IGSF11: variants seen among roughly 807,000 people sequenced by gnomAD.
The protein encoded by IGSF11 is immunoglobulin superfamily member 11, also known as CXADR like 1.
Under a neutral mutation model 41.0 loss-of-function variants are expected in IGSF11, and 22 were observed. The observed-to-expected ratio is 0.54, with a 90% CI of 0.38 to 0.77. The LOEUF (loss-of-function observed/expected upper bound fraction) is 0.77, where lower values mean the gene tolerates loss of function less well. Among genes scored for constraint, IGSF11 ranks in the 30% least tolerant of loss-of-function variants. The pLI, the probability that IGSF11 is intolerant of heterozygous loss-of-function variation, is 0.00. For synonymous variants in IGSF11, 219 were observed against 201.3 expected, an observed-to-expected ratio of 1.09 and a Z score of -0.74; for missense variants, 444 against 530.8, an observed-to-expected ratio of 0.84 and a Z score of 1.61.
chr3:119,042,294 G>C (rs1941146402), intron 1 of IGSF11, among the ~76,000 whole-genome samples: 1 of 152,218 alleles, frequency 6.6e-6, no homozygotes, highest in South Asian at 2.1e-4. Context: ...GTGCACATTG[G>C]AGTGCTCAGT....
chr3:119,047,676 C>T (rs1007563436), intron 1 of IGSF11, among the ~76,000 whole-genome samples: 14 of 152,134 alleles, frequency 9.2e-5, no homozygotes, highest in South Asian at 4.2e-4. Context: ...CTCTCCACCC[C>T]AAATCAACAG....
At chr3:119,127,851 T>C (rs1434000007) in intron 1 of IGSF11, among the ~76,000 whole-genome samples, 3 of 152,114 alleles carry the variant, frequency 2.0e-5, no homozygotes, top group African/African-American at 7.2e-5. Flanking sequence ...GACAAGCAAA[T>C]GCTAAGGGAT....
At chr3:118,984,673 A>C (rs954380382) in intron 1 of IGSF11, among the ~76,000 whole-genome samples, 14 of 152,220 alleles carry the variant, frequency 9.2e-5, no homozygotes, top group African/African-American at 3.4e-4. Context: ...AATATTGACA[A>C]GAAGATAATT....
chr3:119,115,151 C>A (rs975558960), intron 1 of IGSF11, among the ~76,000 whole-genome samples: 4 of 152,302 alleles, frequency 2.6e-5, no homozygotes, highest in East Asian at 3.9e-4. Flanking sequence ...AAATCCAAAC[C>A]ATATCCCTCA....
In IGSF11 at chr3:119,000,934, A is replaced by G. The variant is rs913193332; in HGVS notation, c.52+33597T>C. On this transcript the variant is annotated intron_variant, in intron 1 of 6. Coordinates refer to ENST00000393775, the MANE Select transcript of IGSF11 (RefSeq NM_001015887.3). Reference sequence around the variant, plus strand: ...CAAAGTAAAAGCCAAAATCCTCACAAGGTTCTGTGCTGTCTGCTCTTTCAT... The same window carrying G: ...CAAAGTAAAAGCCAAAATCCTCACAGGGTTCTGTGCTGTCTGCTCTTTCAT... Among the ~76,000 whole-genome samples the G allele has an allele frequency of 8.5e-5, 13 of 152,106 alleles. 1 individual carries two copies. The highest frequency in any genetic ancestry group is 3.1e-4 in the African/African-American group (13 of 41,416).
Position 119,051,079 on chromosome 3 carries a change from T to C in IGSF11, c.49+54065A>G, listed in dbSNP as rs56340189. The stretch of plus-strand genomic sequence containing the variant: ...AGTTAGTGGGTGCAGCACACCAGCA[T>C]GGCACCTGTATACATATGTAACTAA... On this transcript the variant is annotated intron_variant, in intron 1 of 6. Transcript: ENST00000354673. 2.7e-3 allele frequency among the ~76,000 whole-genome samples: 402 copies of C among 151,658 alleles called. 1 individual carries two copies. Among genetic ancestry groups the C allele is most frequent in the African/African-American group, 9.4e-3 (389 of 41,280 alleles).
intron 1 of IGSF11, among the ~76,000 whole-genome samples, chr3:119,043,532 C>T (rs1263637292): frequency 6.6e-6 from 1 of 152,160 alleles, no homozygotes. Flanking sequence ...GCCGGCAACA[C>T]CCTAGCTAAC....
intron 1 of IGSF11, chr3:118,948,103 CAT>C (rs1944295054): frequency 6.6e-6 from 1 of 152,154 alleles, no homozygotes; most frequent in African/African-American, 2.4e-5. Context: ...TACACAGAAA[CAT>C]GCTGTGAAAG....
intron 1 of IGSF11, among the ~76,000 whole-genome samples, chr3:119,056,324 T>C (rs1229703690): frequency 1.3e-5 from 2 of 152,058 alleles, no homozygotes; most frequent in Non-Finnish European, 2.9e-5. Flanking sequence ...TAAACTACCA[T>C]CAGAGAATAC....
intron 1 of IGSF11, among the ~76,000 whole-genome samples, chr3:119,080,916 A>C (rs139698674): frequency 2.0e-5 from 3 of 152,198 alleles, no homozygotes; most frequent in Non-Finnish European, 4.4e-5. Flanking sequence ...ATATTAATGA[A>C]TTTCCTCCTA....
At chr3:119,002,534 T>C (rs1419111544) in intron 1 of IGSF11, among the ~76,000 whole-genome samples, 1 of 133,222 alleles carries the variant, frequency 7.5e-6, no homozygotes, top group African/African-American at 3.3e-5. Flanking sequence ...GTTTTGGACA[T>C]GAAGTCCTTG....
chr3:119,037,388 A>G (rs1012993238), upstream of IGSF11, among the ~76,000 whole-genome samples: 24 of 152,186 alleles, frequency 1.6e-4, no homozygotes, highest in African/African-American at 5.8e-4. Flanking sequence ...TCTTAAAGCT[A>G]TCTGAGGGTA....
At chr3:118,984,716 A>T (rs371304591) in intron 1 of IGSF11, among the ~76,000 whole-genome samples, 3 of 152,294 alleles carry the variant, frequency 2.0e-5, no homozygotes, top group African/African-American at 7.2e-5. Flanking sequence ...TAAAGGAATA[A>T]ATCAAGAACA....
At chr3:118,968,493 GGAAGGAAA>G (rs1932972098) in intron 1 of IGSF11, among the ~76,000 whole-genome samples, 1 of 152,158 alleles carries the variant, frequency 6.6e-6, no homozygotes, top group Non-Finnish European at 1.5e-5. Flanking sequence ...TCCAGAACAG[GGAAGGAAA>G]CTTATCCAAG....
At chr3:119,047,691 T>C (rs1941423340) in intron 1 of IGSF11, among the ~76,000 whole-genome samples, 1 of 152,024 alleles carries the variant, frequency 6.6e-6, no homozygotes, top group Non-Finnish European at 1.5e-5. Flanking sequence ...CAACAGAATA[T>C]ACATTTTTTT....
At chr3:119,055,504 C>A (rs1223459684) in intron 1 of IGSF11, among the ~76,000 whole-genome samples, 2 of 152,040 alleles carry the variant, frequency 1.3e-5, no homozygotes, top group Non-Finnish European at 2.9e-5. Context: ...GACTTAGAAT[C>A]CTACACAGTA....
chr3:119,036,472 G>T (rs35862), upstream of IGSF11, among the ~76,000 whole-genome samples: 82,027 of 151,902 alleles, frequency 0.54, 22,543 homozygotes, highest in African/African-American at 0.66. Context: ...ACAAGGAAGC[G>T]GTCAAGTGAT....
At chr3:119,046,121 G>C (rs1016615604) in intron 1 of IGSF11, among the ~76,000 whole-genome samples, 3 of 151,208 alleles carry the variant, frequency 2.0e-5, no homozygotes, top group Non-Finnish European at 4.4e-5. Context: ...CTCCTCACCA[G>C]CAACGGAACA....
At chr3:118,959,496 G>A (rs1282836444) in intron 1 of IGSF11, among the ~76,000 whole-genome samples, 2 of 152,188 alleles carry the variant, frequency 1.3e-5, no homozygotes, top group Admixed American at 6.5e-5. Flanking sequence ...GGAATAATAG[G>A]TGAGTAATAA....
Sources: gnomAD v4.1 joint callset for allele counts (sites outside exome capture counted in the v4.1 genomes callset) on GRCh38, gnomAD v4.1.1 for gene constraint, MANE v1.5 for transcripts, NCBI Gene and HGNC (gene_info 2026-07-23, HGNC 2026-07-21) for gene names.